Variants in MX1 observed in about 807,000 individuals in gnomAD.
MX1 encodes the protein MX dynamin like GTPase 1, also known as interferon-induced GTP-binding protein Mx1.
Under a neutral mutation model 66.4 loss-of-function variants are expected in MX1, and 66 were observed. The ratio of observed to expected loss-of-function variants is 0.99; its 90% CI spans 0.82 to 1.22. The LOEUF is 1.22. MX1 is among the 50% of genes most tolerant of loss of function. The probability of loss-of-function intolerance (pLI) is 0.00; values close to 1 mark genes in which losing one functional copy is unlikely to be tolerated. For synonymous variants in MX1, 311 were observed against 318.1 expected, an observed-to-expected ratio of 0.98 and a Z score of 0.24; for missense variants, 787 against 834.3, an observed-to-expected ratio of 0.94 and a Z score of 0.70.
chr21:41,439,932 T>C, intron 8 of MX1, 84 bp downstream of exon 8: 1 of 1,439,334 alleles, frequency 6.9e-7, no homozygotes, highest in Non-Finnish European at 9.6e-7. Flanking sequence ...GGGTACTGTA[T>C]TAGAGTAACC....
In MX1 at chr21:41,445,744, G is replaced by A. The variant is rs1196950908; in HGVS notation, c.1131+174G>A. 7.7e-6 allele frequency: 7 copies of A among 913,050 alleles called. No homozygotes were observed. In the African/African-American group the frequency reaches 1.2e-4, roughly 15 times the overall value. The allele number at this position is 913,050 out of a possible 1,614,324, so 56.6% of individuals were successfully genotyped here. ...GAGGCAGGGCAGGGAGTGCAGATGTGGGGGTGGAGTCAGCAGCGAGGGATG... is the reference window on the plus strand; with the variant it reads ...GAGGCAGGGCAGGGAGTGCAGATGTAGGGGTGGAGTCAGCAGCGAGGGATG... On this transcript the variant is annotated intron_variant, in intron 12 of 16. Coordinates refer to ENST00000398598, the MANE Select transcript of MX1 (RefSeq NM_002462.5).
intron 5 of MX1, among the ~76,000 whole-genome samples, chr21:41,432,579 G>T (rs458582): frequency 0.64 from 97,894 of 152,080 alleles, 33,650 homozygotes; most frequent in East Asian, 0.99. Flanking sequence ...TTTTTGCCCA[G>T]AATCAAGACA....
chr21:41,426,409 T>C (rs1444848079), intron 1 of MX1, 146 bp downstream of exon 1: 1 of 152,190 alleles, frequency 6.6e-6, no homozygotes, highest in African/African-American at 2.4e-5. Context: ...TAACTAACAA[T>C]AATAATAATC....
intron 13 of MX1, among the ~76,000 whole-genome samples, 193 bp from the exon 14 acceptor site, chr21:41,448,944 G>GCC (rs1281830002): frequency 6.0e-4 from 24 of 40,222 alleles, no homozygotes; most frequent in African/African-American, 4.9e-3. Flanking sequence ...GTGTGTGTGT[G>GCC]TGTGTGTGTG....
At chr21:41,446,797 G>T (rs999634397) in intron 13 of MX1, among the ~76,000 whole-genome samples, 11 of 152,170 alleles carry the variant, frequency 7.2e-5, no homozygotes, top group African/African-American at 2.4e-4. Context: ...TCACACTGGG[G>T]ATTAAGTTTC....
chr21:41,437,192 A>T, intron 7 of MX1, 40 bp downstream of exon 7: 1 of 1,611,242 alleles, frequency 6.2e-7, no homozygotes, highest in African/African-American at 1.3e-5. Flanking sequence ...AAGCCTTCTG[A>T]CATGCATGGG....
intron 5 of MX1, among the ~76,000 whole-genome samples, chr21:41,433,647 A>G (rs1177370028): frequency 6.6e-6 from 1 of 152,222 alleles, no homozygotes; most frequent in Non-Finnish European, 1.5e-5. Flanking sequence ...AGGTGGCAAA[A>G]CTATAAAGAA....
At chr21:41,440,102 TTA>T (rs1408121073) in intron 8 of MX1, among the ~76,000 whole-genome samples, 1 of 152,236 alleles carries the variant, frequency 6.6e-6, no homozygotes, top group Admixed American at 6.5e-5. Context: ...TGTATTTGTT[TTA>T]TGTTTTATGC....
intron 11 of MX1, 115 bp downstream of exon 11, chr21:41,443,981 G>A: frequency 9.9e-7 from 1 of 1,014,986 alleles, no homozygotes; most frequent in Non-Finnish European, 1.5e-6. Context: ...ATCTTGTTAA[G>A]ATGCAGTTTC....
At chr21:41,445,306 G>C in intron 11 of MX1, 142 bp from the exon 12 acceptor site, 1 of 985,454 alleles carries the variant, frequency 1.0e-6, no homozygotes, top group Non-Finnish European at 1.5e-6. Context: ...CACCTCCCCC[G>C]GGTCTGGAAA....
upstream of MX1, chr21:41,426,226 G>C (rs1467898545): frequency 1.3e-5 from 2 of 154,490 alleles, no homozygotes; most frequent in Non-Finnish European, 2.9e-5. Flanking sequence ...GAGGCGAAGC[G>C]AGAGCGGAGG....
At chr21:41,429,865 GCCACTGCTCT>G (rs1290450254) in intron 3 of MX1, 3 of 136,850 alleles carry the variant, frequency 2.2e-5, no homozygotes, top group Non-Finnish European at 3.0e-5. Flanking sequence ...CCAAGATTGC[GCCACTGCTCT>G]CCAGCCTGGT....
chr21:41,452,953 G>C (rs956582970), intron 16 of MX1, 84 bp downstream of exon 16: 5 of 1,513,118 alleles, frequency 3.3e-6, no homozygotes, highest in Non-Finnish European at 4.5e-6. Context: ...TGCTCTCTCT[G>C]TAGGTGACGT....
intron 10 of MX1, 123 bp from the exon 11 acceptor site, chr21:41,443,665 T>C: frequency 2.4e-6 from 2 of 820,270 alleles, no homozygotes; most frequent in South Asian, 2.9e-5. Context: ...GGGTACCAAC[T>C]GCAAGACATT....
chr21:41,458,481 C>T (rs1169465035), intron 16 of MX1, 47 bp from the exon 17 acceptor site: 3 of 1,609,058 alleles, frequency 1.9e-6, no homozygotes, highest in African/African-American at 2.7e-5. Flanking sequence ...GAGTCCCCTC[C>T]TCACAGTGTC....
chr21:41,439,666 G>T (rs1292175133), intron 7 of MX1, 28 bp from the exon 8 acceptor site: 2 of 1,609,318 alleles, frequency 1.2e-6, no homozygotes, highest in Non-Finnish European at 1.7e-6. Context: ...GCTCTGTTTG[G>T]GTTTGATTTT....
chr21:41,445,180 G>A (rs2090625693), intron 11 of MX1, among the ~76,000 whole-genome samples: 1 of 152,114 alleles, frequency 6.6e-6, no homozygotes, highest in Non-Finnish European at 1.5e-5. Context: ...ACTCTGCCGG[G>A]GCCTAGGACC....
At chr21:41,458,415 G>C (rs993526263) in intron 16 of MX1, 113 bp from the exon 17 acceptor site, 33 of 1,245,722 alleles carry the variant, frequency 2.6e-5, no homozygotes, top group Non-Finnish European at 3.5e-5. Flanking sequence ...TCATTGCCCT[G>C]CGAGGGTCTC....
At chr21:41,452,540 T>G in intron 15 of MX1, 81 bp from the exon 16 acceptor site, 1 of 1,473,004 alleles carries the variant, frequency 6.8e-7, no homozygotes. Context: ...AACCTGGTAT[T>G]TACGGACTTC....
Sources: gnomAD v4.1 joint callset for allele counts (sites outside exome capture counted in the v4.1 genomes callset) on GRCh38, gnomAD v4.1.1 for gene constraint, MANE v1.5 for transcripts, NCBI Gene and HGNC (gene_info 2026-07-23, HGNC 2026-07-21) for gene names.